Variants in TANC1 observed in about 807,000 individuals in gnomAD.
TANC1 encodes protein TANC1.
In TANC1, 77 loss-of-function variants were observed where a neutral mutation model predicts 149.7. The observed-to-expected ratio is 0.51, with a 90% CI of 0.43 to 0.62. The LOEUF (loss-of-function observed/expected upper bound fraction) is 0.62. TANC1 is among the 20% of genes least tolerant of loss of function. TANC1 has a pLI of 0.00. For missense variants in TANC1, 1,985 were observed against 2,321.8 expected (o/e 0.85, Z 2.98); for synonymous variants, 854 against 925.0 (o/e 0.92, Z 1.39).
At chr2:159,049,194 A>G (rs2041291195) in intron 2 of TANC1, among the ~76,000 whole-genome samples, 1 of 152,140 alleles carries the variant, frequency 6.6e-6, no homozygotes, top group Non-Finnish European at 1.5e-5. Flanking sequence ...GAAATTGTTT[A>G]ATTTTCAAAG....
At chr2:159,006,092 C>T (rs1249502692) in intron 2 of TANC1, among the ~76,000 whole-genome samples, 1 of 151,856 alleles carries the variant, frequency 6.6e-6, no homozygotes, top group East Asian at 1.9e-4. Context: ...TCCAGGAGTT[C>T]GAGACTGGCC....
intron 19 of TANC1, among the ~76,000 whole-genome samples, chr2:159,212,174 C>T (rs1341556238): frequency 6.6e-6 from 1 of 152,224 alleles, no homozygotes; most frequent in East Asian, 1.9e-4. Context: ...GGATTGGCTG[C>T]TTCAGATCTC....
intron 2 of TANC1, 22 bp from the exon 3 acceptor site, chr2:159,065,874 T>C: frequency 3.1e-6 from 5 of 1,593,874 alleles, no homozygotes; most frequent in Non-Finnish European, 3.4e-6. Flanking sequence ...ATTCCTCTTC[T>C]CTCTGTTTCT....
At chr2:159,050,125 T>G (rs1322488714) in intron 2 of TANC1, among the ~76,000 whole-genome samples, 1 of 152,204 alleles carries the variant, frequency 6.6e-6, no homozygotes, top group Non-Finnish European at 1.5e-5. Flanking sequence ...TAATTTTTTT[T>G]GTTTAAGAGC....
intron 2 of TANC1, among the ~76,000 whole-genome samples, chr2:159,053,335 A>G (rs2041613607): frequency 6.6e-6 from 1 of 152,132 alleles, no homozygotes; most frequent in African/African-American, 2.4e-5. Context: ...GCCCTTTCTC[A>G]CAGGCTTCTG....
chr2:159,012,496 C>T (rs1330776102), intron 2 of TANC1, among the ~76,000 whole-genome samples: 2 of 152,018 alleles, frequency 1.3e-5, no homozygotes, highest in African/African-American at 2.4e-5. Context: ...AGAAACTGCC[C>T]CTCTCTATTG....
intron 19 of TANC1, among the ~76,000 whole-genome samples, chr2:159,216,135 G>A (rs1036328710): frequency 3.3e-5 from 5 of 152,182 alleles, no homozygotes; most frequent in Middle Eastern, 3.4e-3. Context: ...CTGTTGTTCC[G>A]CATCCATCTC....
At position 159,176,907 on chromosome 2, in the gene TANC1, ATTT is replaced by A. The variant is rs10647127; in HGVS notation, c.1902+407_1902+409del. 1.4e-4 allele frequency among the ~76,000 whole-genome samples: 14 copies of A among 102,018 alleles called. No homozygotes were observed. In the South Asian group the frequency reaches 4.8e-3, roughly 35 times the overall value. 66.9% of individuals were successfully genotyped at this position (102,018 alleles called of 152,430 possible). ...TTGAAGGGAAAAATGAAGGTGAAAG[ATTT>A]TTTTTTTTTTTTTTTTTGAGATAGA... On this transcript the variant is annotated intron_variant, in intron 13 of 26. Transcript: ENST00000263635.
In TANC1 at chr2:159,115,630, C is replaced by T. The variant is rs16843715; in HGVS notation, c.259+17796C>T. On this transcript the variant is annotated intron_variant, in intron 4 of 26. Coordinates refer to ENST00000263635, the MANE Select transcript of TANC1 (RefSeq NM_033394.3). ...GGGCACTGCCCCAGACTCTGCCCAA[C>T]GGTCCGGAGAGCTGAGAGAATCCAT... Among the ~76,000 whole-genome samples, 1,085 of 152,212 alleles carry T rather than the reference C, an allele frequency of 7.1e-3. 9 individuals are homozygous for T. Among genetic ancestry groups the T allele is most frequent in the African/African-American group, 0.025 (1,019 of 41,524 alleles).
chr2:159,020,366 G>T (rs1451999382), intron 2 of TANC1, among the ~76,000 whole-genome samples: 2 of 151,882 alleles, frequency 1.3e-5, no homozygotes, highest in African/African-American at 4.8e-5. Flanking sequence ...CACCTGCCTT[G>T]GCCTCCCGAA....
At chr2:159,157,675 T>C (rs2053581335) in intron 7 of TANC1, among the ~76,000 whole-genome samples, 1 of 152,276 alleles carries the variant, frequency 6.6e-6, no homozygotes, top group African/African-American at 2.4e-5. Flanking sequence ...TATTCACTTC[T>C]TCCTTTCATC....
intron 16 of TANC1, among the ~76,000 whole-genome samples, chr2:159,189,315 C>G (rs2057264753): frequency 6.6e-6 from 1 of 152,136 alleles, no homozygotes; most frequent in South Asian, 2.1e-4. Flanking sequence ...TTACCTCTGC[C>G]CTCATCTCGG....
intron 2 of TANC1, among the ~76,000 whole-genome samples, chr2:159,054,881 TATA>T: frequency 6.6e-6 from 1 of 152,210 alleles, no homozygotes; most frequent in African/African-American, 2.4e-5. Context: ...CCTTAAAAAT[TATA>T]ATGCCTACAG....
chr2:159,196,975 T>C (rs1203877690), intron 18 of TANC1, among the ~76,000 whole-genome samples, 182 bp downstream of exon 18: 1 of 152,230 alleles, frequency 6.6e-6, no homozygotes, highest in Non-Finnish European at 1.5e-5. Flanking sequence ...CACACTCCTA[T>C]GCACACGTGA....
intron 1 of TANC1, among the ~76,000 whole-genome samples, chr2:158,981,837 C>T (rs1278417492): frequency 6.6e-6 from 1 of 151,748 alleles, no homozygotes. Flanking sequence ...AATGTGCATT[C>T]TTTCTACCTC....
chr2:159,232,209 A>G lies in TANC1; in HGVS notation c.*1197A>G, dbSNP rs2060357708. 2 of 152,684 alleles carry G rather than the reference A, an allele frequency of 1.3e-5. No individual in the cohort carries two copies. The highest frequency in any genetic ancestry group is 2.4e-5 in the African/African-American group (1 of 41,472). The allele number at this position is 152,684 out of a possible 1,614,324, so 9.5% of individuals were successfully genotyped here. ...TCTGATGTATTATTCATTTGTAAAG[A>G]TAAGGTACAGGAATGAACCTTGGTT... On this transcript the variant is annotated 3_prime_UTR_variant, in exon 27 of 27. Coordinates refer to ENST00000263635, the MANE Select transcript of TANC1 (RefSeq NM_033394.3).
chr2:159,217,766 G>A, intron 20 of TANC1, 136 bp downstream of exon 20: 1 of 1,176,982 alleles, frequency 8.5e-7, no homozygotes, highest in Non-Finnish European at 1.2e-6. Context: ...TGTGCCATCA[G>A]GACTGCTTGA....
At chr2:159,040,480 ACTTCT>A (rs1256053267) in intron 2 of TANC1, among the ~76,000 whole-genome samples, 1 of 151,806 alleles carries the variant, frequency 6.6e-6, no homozygotes, top group Non-Finnish European at 1.5e-5. Context: ...CTTTCTCTAA[ACTTCT>A]CTTCTCGCTT....
chr2:159,094,784 G>T (rs183824717), intron 3 of TANC1, among the ~76,000 whole-genome samples: 6,493 of 144,406 alleles, frequency 0.045, 230 homozygotes, highest in Middle Eastern at 0.09. Flanking sequence ...TGGGGGGGGG[G>T]TGGGGGCCAG....
Sources: allele counts gnomAD v4.1 joint callset (sites outside exome capture counted in the v4.1 genomes callset), GRCh38; gene constraint gnomAD v4.1.1; transcripts MANE v1.5; gene names NCBI Gene and HGNC (gene_info 2026-07-23, HGNC 2026-07-21).